IGSF10: variants seen among roughly 807,000 people sequenced by gnomAD.
The protein encoded by IGSF10 is calvaria mechanical force protein 608.
IGSF10 carries 126 observed loss-of-function variants against 128.2 expected under a neutral mutation model. The ratio of observed to expected loss-of-function variants is 0.98; its 90% confidence interval spans 0.85 to 1.14. The LOEUF (loss-of-function observed/expected upper bound fraction) is 1.14, where lower values mean the gene tolerates loss of function less well. IGSF10 is among the 50% of genes most tolerant of loss of function. IGSF10 has a pLI of 0.00. For synonymous variants in IGSF10, 1,185 were observed against 1,146.2 expected, an observed-to-expected ratio of 1.03 and a Z score of -0.68; for missense variants, 3,295 against 3,149.8, an observed-to-expected ratio of 1.05 and a Z score of -1.10.
At chr3:151,495,401 T>A in the IGSF10 span, among the ~76,000 whole-genome samples, 1 of 152,150 alleles carries the variant, frequency 6.6e-6, no homozygotes, top group Non-Finnish European at 1.5e-5. Flanking sequence ...CTACTGTGTC[T>A]GTGATTATGA....
chr3:151,519,862 A>G, the IGSF10 span, among the ~76,000 whole-genome samples: 2 of 151,812 alleles, frequency 1.3e-5, no homozygotes, highest in African/African-American at 4.8e-5. Flanking sequence ...TCTCCCAGTG[A>G]GAACATATTG....
At chr3:151,550,250 C>A in the IGSF10 span, among the ~76,000 whole-genome samples, 147 of 152,210 alleles carry the variant, frequency 9.7e-4, no homozygotes, top group Non-Finnish European at 1.7e-3. Context: ...GGCATATCTC[C>A]GGAGTAGTGA....
At chr3:151,473,136 T>C in the IGSF10 span, among the ~76,000 whole-genome samples, 1 of 152,202 alleles carries the variant, frequency 6.6e-6, no homozygotes, top group Non-Finnish European at 1.5e-5. Flanking sequence ...GTTTTCCTCA[T>C]CTTTTGTTGC....
the IGSF10 span, among the ~76,000 whole-genome samples, chr3:151,515,169 G>A: frequency 3.3e-4 from 50 of 152,064 alleles, no homozygotes; most frequent in African/African-American, 9.4e-4. Context: ...ACATGCACAC[G>A]TATGTTTATT....
the IGSF10 span, among the ~76,000 whole-genome samples, chr3:151,535,637 A>G: frequency 2.0e-5 from 3 of 152,180 alleles, no homozygotes; most frequent in African/African-American, 7.2e-5. Context: ...ATAAAAGTTC[A>G]TATTTAGAAT....
At chr3:151,543,591 C>T in the IGSF10 span, among the ~76,000 whole-genome samples, 88 of 152,256 alleles carry the variant, frequency 5.8e-4, 1 homozygote, top group Non-Finnish European at 9.7e-4. Context: ...TCTCTGGGTA[C>T]CAATGCCTGA....
the IGSF10 span, among the ~76,000 whole-genome samples, chr3:151,607,319 A>G: frequency 6.6e-6 from 1 of 152,168 alleles, no homozygotes; most frequent in East Asian, 1.9e-4. Context: ...GATAATTCCA[A>G]ATTTATTCTT....
At position 151,438,488 on chromosome 3, in the gene IGSF10, C is replaced by G. The variant is rs1250645061; in HGVS notation, c.6073G>C (p.Asp2025His). 3 of 1,614,144 alleles carry G rather than the reference C, an allele frequency of 1.9e-6. No homozygotes were observed. The highest frequency in any genetic ancestry group is 1.1e-5 in the South Asian group (1 of 91,078). Residue 2025 changes from aspartate (D) to histidine (H), a missense_variant, in exon 8 of 8, where the codon GAT (aspartate) becomes CAT (histidine). Coordinates refer to ENST00000282466, the MANE Select transcript of IGSF10 (RefSeq NM_178822.5). The stretch of plus-strand genomic sequence containing the variant: ...AGGCTAACATGCATCAGTATCAGAT[C>G]ATCCCCCATTTTGTTTCTTGCCACA... ...LCVARNKMGD[D>H]LILMHVSLRL...
chr3:151,577,660 A>C, the IGSF10 span, among the ~76,000 whole-genome samples: 4 of 152,250 alleles, frequency 2.6e-5, no homozygotes, highest in South Asian at 4.1e-4. Flanking sequence ...CAATAAAAAA[A>C]AAATCCACAA....
At chr3:151,535,890 C>T in the IGSF10 span, among the ~76,000 whole-genome samples, 11 of 152,272 alleles carry the variant, frequency 7.2e-5, no homozygotes, top group East Asian at 1.9e-4. Context: ...TTGATGGCTT[C>T]GCAGTTTCTT....
At chr3:151,501,944 T>G in the IGSF10 span, among the ~76,000 whole-genome samples, 1 of 152,076 alleles carries the variant, frequency 6.6e-6, no homozygotes, top group African/African-American at 2.4e-5. Flanking sequence ...TTCTGTTTAT[T>G]TCTTCTCTAA....
rs897327203 is a variant in IGSF10 at position 151,458,716 on chromosome 3, A to G, written c.-1-6T>C. The G allele has an allele frequency of 3.1e-6, 5 of 1,610,664 alleles. No homozygotes were observed. The African/African-American group carries it at 6.7e-5, about 22-fold the overall frequency. The stretch of plus-strand genomic sequence containing the variant: ...CTCTGCCTTTTACCTTCATCCTGAA[A>G]AAACATCATACCTCAGAGTTATAAA... On this transcript the variant is annotated splice_polypyrimidine_tract_variant and splice_region_variant and intron_variant, in intron 2 of 7. Transcript: ENST00000282466.
At chr3:151,520,984 C>T in the IGSF10 span, among the ~76,000 whole-genome samples, 2 of 151,494 alleles carry the variant, frequency 1.3e-5, no homozygotes, top group African/African-American at 2.4e-5. Flanking sequence ...TTAAGTGACC[C>T]ATCTCACACA....
At chr3:151,526,535 C>T in the IGSF10 span, among the ~76,000 whole-genome samples, 1 of 152,052 alleles carries the variant, frequency 6.6e-6, no homozygotes, top group Non-Finnish European at 1.5e-5. Flanking sequence ...TTTAGTACCA[C>T]GAAGTTTCTA....
At chr3:151,457,247 C>T (rs548690575) in intron 3 of IGSF10, 92 bp from the exon 4 acceptor site, 2 of 1,181,454 alleles carry the variant, frequency 1.7e-6, no homozygotes, top group Admixed American at 2.0e-5. Context: ...AAACTCAATA[C>T]CTCTCTTTAT....
At chr3:151,484,179 G>A in the IGSF10 span, among the ~76,000 whole-genome samples, 6 of 152,344 alleles carry the variant, frequency 3.9e-5, no homozygotes, top group East Asian at 3.9e-4. Flanking sequence ...AAACAAAGCC[G>A]CTTGGAAGTT....
chr3:151,470,477 A>G, the IGSF10 span, among the ~76,000 whole-genome samples: 1 of 152,158 alleles, frequency 6.6e-6, no homozygotes, highest in Non-Finnish European at 1.5e-5. Flanking sequence ...TAGCTTCACC[A>G]TTGTATGAGC....
the IGSF10 span, among the ~76,000 whole-genome samples, chr3:151,478,533 A>G: frequency 6.6e-6 from 1 of 152,122 alleles, no homozygotes; most frequent in Non-Finnish European, 1.5e-5. Flanking sequence ...GTAACATATT[A>G]CAGCATTGAC....
At position 151,453,493 on chromosome 3, in the gene IGSF10, T is replaced by C; in HGVS notation, c.606A>G (p.Gln202=). ...LSDNFLTSLP[Q]EMVSYMPDLD... is the part of the protein sequence containing the mutation. ...GGTCAGGCATATAGGAGACCATCTC[T>C]TGAGGGAGGGAGGTCAGGAAGTTAT... The change falls in exon 5 of 8, where the codon CAA becomes CAG. Residue 202 remains glutamine (Q), a synonymous_variant. Transcript: ENST00000282466. 1 of 1,613,976 alleles carries C rather than the reference T, an allele frequency of 6.2e-7. No homozygotes were observed.
Sources: allele counts gnomAD v4.1 joint callset (sites outside exome capture counted in the v4.1 genomes callset), GRCh38; gene constraint gnomAD v4.1.1; transcripts MANE v1.5; gene names NCBI Gene and HGNC (gene_info 2026-07-23, HGNC 2026-07-21).